PLXDC2: variants seen among roughly 807,000 people sequenced by gnomAD.
PLXDC2 encodes the protein plexin domain containing 2.
A neutral mutation model predicts 68.9 loss-of-function variants in PLXDC2; 40 were observed. The ratio of observed to expected loss-of-function variants is 0.58; its 90% confidence interval spans 0.45 to 0.76. The LOEUF (loss-of-function observed/expected upper bound fraction) is 0.76. PLXDC2 is among the 30% of genes least tolerant of loss of function. The pLI, the probability that PLXDC2 is intolerant of heterozygous loss-of-function variation, is 0.00. For synonymous variants in PLXDC2, 243 were observed against 234.2 expected (o/e 1.04, Z -0.34); for missense variants, 644 against 661.9 (o/e 0.97, Z 0.30).
At chr10:19,864,525 T>A (rs1415005588) in intron 1 of PLXDC2, among the ~76,000 whole-genome samples, 2 of 152,182 alleles carry the variant, frequency 1.3e-5, no homozygotes, top group Non-Finnish European at 2.9e-5. Flanking sequence ...CAATTTAAAT[T>A]TTTTTTATCA....
At chr10:20,172,403 C>T (rs2131822085) in intron 7 of PLXDC2, among the ~76,000 whole-genome samples, 1 of 152,272 alleles carries the variant, frequency 6.6e-6, no homozygotes, top group Non-Finnish European at 1.5e-5. Context: ...GCCCGCAGCC[C>T]ACCTGCCTCA....
At chr10:19,951,265 A>C (rs1261022898) in intron 1 of PLXDC2, among the ~76,000 whole-genome samples, 1 of 152,178 alleles carries the variant, frequency 6.6e-6, no homozygotes, top group African/African-American at 2.4e-5. Flanking sequence ...TAATATCCAA[A>C]AATCTATAAG....
At chr10:20,263,534 G>T (rs1004585504) in intron 13 of PLXDC2, among the ~76,000 whole-genome samples, 8 of 152,176 alleles carry the variant, frequency 5.3e-5, no homozygotes, top group African/African-American at 1.9e-4. Flanking sequence ...AAGAGCTTCT[G>T]CACAGCAAAA....
At chr10:19,829,601 C>T (rs910996179) in intron 1 of PLXDC2, among the ~76,000 whole-genome samples, 2 of 152,028 alleles carry the variant, frequency 1.3e-5, no homozygotes, top group Non-Finnish European at 2.9e-5. Flanking sequence ...TGGTGGCGGG[C>T]ACCTGTAGTC....
At chr10:20,051,709 T>G (rs544754874) in intron 3 of PLXDC2, among the ~76,000 whole-genome samples, 2 of 151,994 alleles carry the variant, frequency 1.3e-5, no homozygotes, top group East Asian at 1.9e-4. Flanking sequence ...AAAACAAATC[T>G]CTTATTTGGT....
intron 1 of PLXDC2, among the ~76,000 whole-genome samples, chr10:19,881,757 C>T (rs1214584317): frequency 6.6e-6 from 1 of 152,080 alleles, no homozygotes; most frequent in Non-Finnish European, 1.5e-5. Context: ...TTGAAACTGC[C>T]AAAAAGTTCT....
chr10:20,049,617 A>G (rs1013326195), intron 3 of PLXDC2, among the ~76,000 whole-genome samples: 1 of 152,126 alleles, frequency 6.6e-6, no homozygotes, highest in Non-Finnish European at 1.5e-5. Flanking sequence ...CAATTGCCAC[A>G]AAAACAATAA....
chr10:19,900,981 ATGTGTG>A (rs71388879), intron 1 of PLXDC2, among the ~76,000 whole-genome samples: 16,920 of 144,458 alleles, frequency 0.12, 1,225 homozygotes, highest in African/African-American at 0.21. Context: ...TATATGTGTG[ATGTGTG>A]TGTGTGTGTG....
intron 1 of PLXDC2, among the ~76,000 whole-genome samples, chr10:19,904,165 C>T (rs567182461): frequency 1.4e-4 from 21 of 152,088 alleles, no homozygotes; most frequent in African/African-American, 4.8e-4. Context: ...CTGCAGTTGT[C>T]GGGTAGAATG....
chr10:19,945,034 C>T (rs920517241), intron 1 of PLXDC2, among the ~76,000 whole-genome samples: 1 of 152,210 alleles, frequency 6.6e-6, no homozygotes, highest in African/African-American at 2.4e-5. Context: ...CTGGTTTGAA[C>T]AGTTGGCCAC....
intron 1 of PLXDC2, among the ~76,000 whole-genome samples, chr10:19,945,151 TAAAG>T (rs1357309622): frequency 1.3e-5 from 2 of 152,200 alleles, no homozygotes; most frequent in Non-Finnish European, 2.9e-5. Context: ...TTAAAATATG[TAAAG>T]AGTCAGCTTT....
At chr10:20,122,697 T>C (rs949062494) in intron 4 of PLXDC2, among the ~76,000 whole-genome samples, 1 of 152,174 alleles carries the variant, frequency 6.6e-6, no homozygotes, top group Non-Finnish European at 1.5e-5. Flanking sequence ...TCTTGTGTGC[T>C]GGAGATGTGG....
At chr10:20,221,367 TAG>T (rs1835210113) in intron 12 of PLXDC2, among the ~76,000 whole-genome samples, 1 of 152,224 alleles carries the variant, frequency 6.6e-6, no homozygotes, top group Non-Finnish European at 1.5e-5. Context: ...TTTGGTATAC[TAG>T]AGAGTCAACT....
At chr10:20,149,179 G>A (rs528253301) in intron 6 of PLXDC2, among the ~76,000 whole-genome samples, 1 of 141,662 alleles carries the variant, frequency 7.1e-6, no homozygotes, top group Non-Finnish European at 1.5e-5. Flanking sequence ...TCTCGCCCAG[G>A]TACTAAGCCT....
chr10:20,003,866 C>T (rs1011208716), intron 2 of PLXDC2, among the ~76,000 whole-genome samples: 1 of 152,210 alleles, frequency 6.6e-6, no homozygotes, highest in Non-Finnish European at 1.5e-5. Flanking sequence ...GGGCTGACTA[C>T]TGCCAAGGCT....
chr10:19,987,177 C>T (rs960813024), intron 1 of PLXDC2, among the ~76,000 whole-genome samples: 2 of 152,108 alleles, frequency 1.3e-5, no homozygotes, highest in African/African-American at 4.8e-5. Flanking sequence ...AGAGATGACC[C>T]CTGACCCAGG....
intron 4 of PLXDC2, among the ~76,000 whole-genome samples, chr10:20,101,530 ACTT>A (rs1035845130): frequency 2.0e-5 from 3 of 152,136 alleles, no homozygotes; most frequent in Non-Finnish European, 4.4e-5. Context: ...TCATTGTGCT[ACTT>A]CTTCTACTAA....
At chr10:19,832,388 C>T (rs897135142) in intron 1 of PLXDC2, among the ~76,000 whole-genome samples, 2 of 152,144 alleles carry the variant, frequency 1.3e-5, no homozygotes, top group South Asian at 4.1e-4. Flanking sequence ...CATGAATGCA[C>T]TTATTAGAAA....
chr10:19,859,954 T>A (rs902794035), intron 1 of PLXDC2, among the ~76,000 whole-genome samples: 1 of 152,128 alleles, frequency 6.6e-6, no homozygotes, highest in African/African-American at 2.4e-5. Context: ...CTGCTCAAAC[T>A]CCTGATCTCA....
Sources: gnomAD v4.1 joint callset for allele counts (sites outside exome capture counted in the v4.1 genomes callset) on GRCh38, gnomAD v4.1.1 for gene constraint, MANE v1.5 for transcripts, NCBI Gene and HGNC (gene_info 2026-07-23, HGNC 2026-07-21) for gene names.